SMARCB1: variants seen among roughly 807,000 people sequenced by gnomAD.
The protein encoded by SMARCB1 is SWI/SNF related BAF chromatin remodeling complex subunit B1.
SMARCB1 carries 5 observed loss-of-function variants against 49.0 expected under a neutral mutation model. The ratio of observed to expected loss-of-function variants is 0.10; its 90% confidence interval spans 0.05 to 0.21. The LOEUF is 0.21. Ranked by LOEUF, SMARCB1 falls within the 10% of genes least tolerant of loss-of-function variation. The pLI is 1.00. For synonymous variants in SMARCB1, 201 were observed against 200.1 expected (o/e 1.00, Z -0.04); for missense variants, 226 against 509.2 (o/e 0.44, Z 5.35).
chr22:23,800,888 G>A, intron 3 of SMARCB1, 56 bp from the exon 4 acceptor site: 2 of 1,306,320 alleles, frequency 1.5e-6, no homozygotes, highest in Non-Finnish European at 2.2e-6. Flanking sequence ...TTGATTCCTG[G>A]TGGGCAGGAT....
intron 4 of SMARCB1, chr22:23,801,472 CTG>C: frequency 2.1e-6 from 1 of 486,808 alleles, no homozygotes; most frequent in Non-Finnish European, 3.9e-6. Flanking sequence ...CCACCACAAA[CTG>C]GTGGCTTCGA....
intron 6 of SMARCB1, chr22:23,823,202 G>A (rs190745079): frequency 6.6e-6 from 1 of 152,296 alleles, no homozygotes; most frequent in Non-Finnish European, 1.5e-5. Context: ...ATGTGTTAGT[G>A]ACTGAATGGC....
In SMARCB1 at chr22:23,837,171, G is replaced by A; in HGVS notation, c.*2991G>A. ...CCGCAATCCCTGTGAGACAGCCACG[G>A]ACTGTGGGGTCACCCTCCACAGCCC... On this transcript the variant is annotated 3_prime_UTR_variant, in exon 9 of 9. Transcript: ENST00000644036. 1.9e-6 allele frequency: 3 copies of A among 1,613,332 alleles called. No individual in the cohort carries two copies. Among genetic ancestry groups the A allele is most frequent in the South Asian group, 1.1e-5 (1 of 91,012 alleles).
intron 6 of SMARCB1, among the ~76,000 whole-genome samples, chr22:23,819,572 A>G (rs1415134522): frequency 1.3e-5 from 2 of 151,792 alleles, no homozygotes; most frequent in Non-Finnish European, 2.9e-5. Flanking sequence ...CAGCCTCCCA[A>G]ACTCAAATGA....
rs2030882392 is a variant in SMARCB1 at position 23,834,528 on chromosome 22, C to CAATTTCTT, written c.*349_*356dup. The CAATTTCTT allele has an allele frequency of 3.2e-6, 2 of 620,018 alleles. No individual in the cohort carries two copies. The highest frequency in any genetic ancestry group is 5.9e-6 in the Non-Finnish European group (2 of 337,486). The allele number at this position is 620,018 out of a possible 1,614,324, so 38.4% of individuals were successfully genotyped here. On this transcript the variant is annotated 3_prime_UTR_variant, in exon 9 of 9. Coordinates refer to ENST00000644036, the MANE Select transcript of SMARCB1 (RefSeq NM_003073.5). Reference sequence around the variant, plus strand: ...TTCAATTTCTTCAACAGGTCATGTTCAATTTCTTCAAAGTTTTAACATAAA... The same window carrying CAATTTCTT: ...TTCAATTTCTTCAACAGGTCATGTTCAATTTCTTAATTTCTTCAAAGTTTTAACATAAA...
At chr22:23,819,949 C>G (rs986117616) in intron 6 of SMARCB1, among the ~76,000 whole-genome samples, 7 of 152,098 alleles carry the variant, frequency 4.6e-5, no homozygotes, top group African/African-American at 9.7e-5. Context: ...GCTTCAGCCT[C>G]TCGAGGAGGA....
At chr22:23,821,900 A>T (rs2030107593) in intron 6 of SMARCB1, among the ~76,000 whole-genome samples, 1 of 151,172 alleles carries the variant, frequency 6.6e-6, no homozygotes, top group Non-Finnish European at 1.5e-5. Flanking sequence ...ATGGAGTCTC[A>T]CTTTGTTGTC....
Position 23,793,497 on chromosome 22 carries a change from T to G in SMARCB1, c.233-62T>G, listed in dbSNP as rs1455031893. Reference sequence around the variant, plus strand: ...AGGACCTTGATGTGCTGCATCCACTTGGCTGGCTGCTGTGTGCCACCGCCA... The same window carrying G: ...AGGACCTTGATGTGCTGCATCCACTGGGCTGGCTGCTGTGTGCCACCGCCA... On this transcript the variant is annotated intron_variant, in intron 2 of 8. Transcript: ENST00000644036. 25 of 1,591,890 alleles carry G rather than the reference T, an allele frequency of 1.6e-5. No homozygotes were observed. In the Admixed American group the frequency reaches 4.2e-4, roughly 27 times the overall value.
intron 6 of SMARCB1, among the ~76,000 whole-genome samples, chr22:23,819,014 G>T (rs1481475921): frequency 6.6e-6 from 1 of 151,880 alleles, no homozygotes; most frequent in African/African-American, 2.4e-5. Context: ...ACACCCGACT[G>T]ATTTTTTGTA....
chr22:23,835,002 A>C lies in SMARCB1; in HGVS notation c.*822A>C, dbSNP rs985045863. ...AGCCTGGGTGCAGGAGGGCTGTTCT[A>C]GCTCCAGTGGCACCCATAGCCAGGT... On this transcript the variant is annotated 3_prime_UTR_variant, in exon 9 of 9. Transcript: ENST00000644036. The C allele has an allele frequency of 3.6e-5, 53 of 1,466,494 alleles. No homozygotes were observed. The highest frequency in any genetic ancestry group is 4.5e-5 in the Non-Finnish European group (50 of 1,110,884). 90.8% of individuals were successfully genotyped at this position (1,466,494 alleles called of 1,614,324 possible).
intron 3 of SMARCB1, 46 bp downstream of exon 3, chr22:23,793,734 C>G: frequency 6.4e-7 from 1 of 1,559,904 alleles, no homozygotes; most frequent in East Asian, 2.3e-5. Flanking sequence ...CCTGTGGGGT[C>G]TTTTCTGAGA....
chr22:23,803,340 G>A lies in SMARCB1; in HGVS notation c.546G>A (p.Gln182=). The change falls in exon 5 of 9, where the codon CAG becomes CAA. Residue 182 remains glutamine, a synonymous_variant. Coordinates refer to ENST00000644036, the MANE Select transcript of SMARCB1 (RefSeq NM_003073.5). ...CTGTGATCCATGAGAACGCATCTCAGCCCGAGGTGCTGGTCCCCATCCGGC... is the reference window on the plus strand; with the variant it reads ...CTGTGATCCATGAGAACGCATCTCAACCCGAGGTGCTGGTCCCCATCCGGC... The part of the protein sequence containing the change: ...DPAVIHENAS[Q]PEVLVPIRLD... 1 of 1,614,202 alleles carries A rather than the reference G, an allele frequency of 6.2e-7. No homozygotes were observed. The highest frequency in any genetic ancestry group is 1.3e-5 in the African/African-American group (1 of 75,062).
chr22:23,833,767 G>C (rs965186947), intron 8 of SMARCB1, 64 bp downstream of exon 8: 2 of 1,566,578 alleles, frequency 1.3e-6, no homozygotes, highest in Non-Finnish European at 1.8e-6. Context: ...GCAGAGGCAG[G>C]GCCATTGCCT....
At chr22:23,791,698 C>A in intron 1 of SMARCB1, 58 bp from the exon 2 acceptor site, 1 of 1,575,718 alleles carries the variant, frequency 6.3e-7, no homozygotes, top group Non-Finnish European at 8.7e-7. Flanking sequence ...GCGCCAGGAC[C>A]CTCCCCTTCC....
chr22:23,792,199 G>A, intron 2 of SMARCB1: 1 of 405,560 alleles, frequency 2.5e-6, no homozygotes, highest in Non-Finnish European at 4.7e-6. Flanking sequence ...GCGATGCTCT[G>A]CCATCTGTCG....
intron 7 of SMARCB1, 105 bp downstream of exon 7, chr22:23,825,520 C>T (rs1007116669): frequency 1.3e-5 from 13 of 993,170 alleles, no homozygotes; most frequent in East Asian, 7.7e-5. Context: ...TCTCACGCTT[C>T]GCAGCACAAT....
intron 5 of SMARCB1, among the ~76,000 whole-genome samples, chr22:23,813,608 A>G (rs1568949855): frequency 2.0e-5 from 3 of 152,240 alleles, no homozygotes; most frequent in Non-Finnish European, 4.4e-5. Flanking sequence ...ACCAAAAACT[A>G]TAAAACACTG....
intron 2 of SMARCB1, chr22:23,792,592 C>A (rs569514621): frequency 1.2e-5 from 2 of 167,332 alleles, no homozygotes; most frequent in Non-Finnish European, 2.6e-5. Context: ...TTGTAGAGAG[C>A]TGCCCTGGGC....
At chr22:23,795,940 A>C (rs1928720965) in intron 3 of SMARCB1, among the ~76,000 whole-genome samples, 2 of 151,656 alleles carry the variant, frequency 1.3e-5, no homozygotes, top group Non-Finnish European at 2.9e-5. Context: ...ACTGGAATGC[A>C]CCACTATGCC....
Sources: gnomAD v4.1 joint callset for allele counts (sites outside exome capture counted in the v4.1 genomes callset) on GRCh38, gnomAD v4.1.1 for gene constraint, MANE v1.5 for transcripts, NCBI Gene and HGNC (gene_info 2026-07-23, HGNC 2026-07-21) for gene names.